TNIK: variants seen among roughly 807,000 people sequenced by gnomAD.
The protein encoded by TNIK is TRAF2 and NCK-interacting protein kinase.
In TNIK, 49 loss-of-function variants were observed where a neutral mutation model predicts 191.3. The observed-to-expected ratio is 0.26, with a 90% CI of 0.20 to 0.32. The LOEUF is 0.32. TNIK is among the 10% of genes least tolerant of loss of function. TNIK has a pLI of 1.00. For synonymous variants in TNIK, 594 were observed against 600.9 expected (o/e 0.99, Z 0.17); for missense variants, 1,155 against 1,702.3 (o/e 0.68, Z 5.66).
intron 2 of TNIK, among the ~76,000 whole-genome samples, chr3:171,270,256 G>A (rs775658462): frequency 1.6e-4 from 24 of 152,260 alleles, no homozygotes; most frequent in South Asian, 6.2e-4. Flanking sequence ...GAATACCCCC[G>A]TAGTATCAAT....
At chr3:171,417,105 A>G (rs1263279449) in intron 1 of TNIK, among the ~76,000 whole-genome samples, 1 of 152,228 alleles carries the variant, frequency 6.6e-6, no homozygotes, top group East Asian at 1.9e-4. Flanking sequence ...GGCACTGTAC[A>G]TCTTTCAGAT....
At chr3:171,269,509 C>T (rs764280963) in intron 2 of TNIK, among the ~76,000 whole-genome samples, 12 of 152,212 alleles carry the variant, frequency 7.9e-5, no homozygotes, top group Non-Finnish European at 1.5e-4. Context: ...AGCCAACATA[C>T]ATCACACAAT....
At chr3:171,097,865 C>T (rs1178796539) in intron 22 of TNIK, among the ~76,000 whole-genome samples, 1 of 152,144 alleles carries the variant, frequency 6.6e-6, no homozygotes, top group African/African-American at 2.4e-5. Flanking sequence ...GGAGGCATGT[C>T]AGTCAAAGAG....
chr3:171,231,892 T>A (rs192008447), intron 2 of TNIK, among the ~76,000 whole-genome samples: 162 of 152,304 alleles, frequency 1.1e-3, no homozygotes, highest in East Asian at 0.01. Context: ...TTCTCCTCCA[T>A]CCCACTTCTA....
intron 22 of TNIK, 150 bp from the exon 23 acceptor site, chr3:171,094,118 T>C: frequency 9.5e-7 from 1 of 1,054,254 alleles, no homozygotes; most frequent in Non-Finnish European, 1.3e-6. Flanking sequence ...ATGTCAGTGG[T>C]CTTAAGTACA....
chr3:171,207,564 C>T (rs558307748), intron 4 of TNIK, among the ~76,000 whole-genome samples: 4 of 151,996 alleles, frequency 2.6e-5, no homozygotes, highest in Non-Finnish European at 5.9e-5. Context: ...TCAGGATACC[C>T]GTTTTCCTTG....
chr3:171,182,055 C>A (rs965059189), intron 7 of TNIK, among the ~76,000 whole-genome samples: 1 of 152,114 alleles, frequency 6.6e-6, no homozygotes, highest in Non-Finnish European at 1.5e-5. Context: ...CCAGAACACC[C>A]CTTTCAAACC....
chr3:171,324,048 C>G (rs1332751313), intron 2 of TNIK, among the ~76,000 whole-genome samples: 1 of 151,980 alleles, frequency 6.6e-6, no homozygotes, highest in African/African-American at 2.4e-5. Context: ...AAAAACAAAA[C>G]GAAAACACCC....
intron 12 of TNIK, among the ~76,000 whole-genome samples, chr3:171,151,288 T>C (rs1407488572): frequency 6.6e-6 from 1 of 152,198 alleles, no homozygotes; most frequent in African/African-American, 2.4e-5. Context: ...CTTAATGATA[T>C]AACTGAATTC....
intron 18 of TNIK, among the ~76,000 whole-genome samples, chr3:171,111,654 T>C (rs1420721480): frequency 6.6e-6 from 1 of 152,208 alleles, no homozygotes; most frequent in Non-Finnish European, 1.5e-5. Context: ...GAGATTCCAC[T>C]TCTGGATATA....
At chr3:171,363,836 C>T (rs1395914589) in intron 2 of TNIK, among the ~76,000 whole-genome samples, 1 of 152,198 alleles carries the variant, frequency 6.6e-6, no homozygotes, top group Non-Finnish European at 1.5e-5. Context: ...AATTATTCAG[C>T]TTTAAACTGT....
intron 2 of TNIK, among the ~76,000 whole-genome samples, chr3:171,350,578 G>T (rs2108436152): frequency 9.8e-6 from 1 of 101,854 alleles, no homozygotes; most frequent in African/African-American, 3.9e-5. Context: ...CATATAACAA[G>T]TTTAAAGCTC....
intron 1 of TNIK, among the ~76,000 whole-genome samples, chr3:171,382,631 A>G (rs1718195312): frequency 6.6e-6 from 1 of 152,184 alleles, no homozygotes; most frequent in East Asian, 1.9e-4. Context: ...TAAAGTGTGC[A>G]TGGAAGTGAT....
At chr3:171,282,336 TTTTTG>T (rs1233361576) in intron 2 of TNIK, among the ~76,000 whole-genome samples, 3,267 of 117,006 alleles carry the variant, frequency 0.028, 178 homozygotes, top group Middle Eastern at 0.055. Context: ...TCTTAATGGT[TTTTTG>T]TTTTTTTTTT....
At chr3:171,064,393 C>T (rs1368434456) in intron 32 of TNIK, among the ~76,000 whole-genome samples, 2 of 152,178 alleles carry the variant, frequency 1.3e-5, no homozygotes, top group African/African-American at 4.8e-5. Context: ...AAGGGAATCC[C>T]TTCAAATTCT....
intron 2 of TNIK, among the ~76,000 whole-genome samples, chr3:171,309,558 G>T (rs1753802228): frequency 6.6e-6 from 1 of 151,868 alleles, no homozygotes; most frequent in East Asian, 1.9e-4. Flanking sequence ...CAAAATCAAA[G>T]TTTAAAAAAA....
chr3:171,354,806 T>C (rs909749691), intron 2 of TNIK, among the ~76,000 whole-genome samples: 2 of 152,230 alleles, frequency 1.3e-5, no homozygotes, highest in Non-Finnish European at 2.9e-5. Flanking sequence ...AACACCATGA[T>C]GCATAGTACT....
At chr3:171,078,823 A>C (rs1720321396) in intron 28 of TNIK, among the ~76,000 whole-genome samples, 1 of 152,148 alleles carries the variant, frequency 6.6e-6, no homozygotes, top group Non-Finnish European at 1.5e-5. Flanking sequence ...GAGTATAGGC[A>C]TGGCTATTTG....
chr3:171,324,060 G>A (rs1755476677), intron 2 of TNIK, among the ~76,000 whole-genome samples: 1 of 150,880 alleles, frequency 6.6e-6, no homozygotes, highest in Non-Finnish European at 1.5e-5. Flanking sequence ...AAAACACCCT[G>A]CCCATGCTGC....
Sources: allele counts gnomAD v4.1 joint callset (sites outside exome capture counted in the v4.1 genomes callset), GRCh38; gene constraint gnomAD v4.1.1; transcripts MANE v1.5; gene names NCBI Gene and HGNC (gene_info 2026-07-23, HGNC 2026-07-21).